The following BTBD7 variants were observed in gnomAD, a reference collection of about 807,000 sequenced individuals.
BTBD7 encodes BTB domain containing 7.
BTBD7 carries 38 observed loss-of-function variants against 99.9 expected under a neutral mutation model. The ratio of observed to expected loss-of-function variants is 0.38; its 90% CI spans 0.29 to 0.50. The LOEUF (loss-of-function observed/expected upper bound fraction) is 0.50. Ranked by LOEUF, BTBD7 falls within the 20% of genes least tolerant of loss-of-function variation. The pLI, the probability that BTBD7 is intolerant of heterozygous loss-of-function variation, is 0.93. For missense variants in BTBD7, 1,170 were observed against 1,394.6 expected, an observed-to-expected ratio of 0.84 and a Z score of 2.57; for synonymous variants, 520 against 511.4, an observed-to-expected ratio of 1.02 and a Z score of -0.23.
At chr14:93,285,983 A>G (rs1451457788) in intron 3 of BTBD7, among the ~76,000 whole-genome samples, 1 of 151,956 alleles carries the variant, frequency 6.6e-6, no homozygotes, top group South Asian at 2.1e-4. Context: ...CAGGATGGGG[A>G]CTCCACAACA....
intron 1 of BTBD7, among the ~76,000 whole-genome samples, chr14:93,314,287 G>A (rs2053174298): frequency 6.6e-6 from 1 of 152,044 alleles, no homozygotes; most frequent in Non-Finnish European, 1.5e-5. Flanking sequence ...ATCATTAAAA[G>A]AGATACTGAA....
At chr14:93,328,611 TAAAAAAAAAA>T (rs57161505) in intron 1 of BTBD7, among the ~76,000 whole-genome samples, 4 of 101,868 alleles carry the variant, frequency 3.9e-5, no homozygotes, top group South Asian at 3.4e-4. Flanking sequence ...TAAAATTCTT[TAAAAAAAAAA>T]AAAAAAAAAA....
At chr14:93,288,700 A>C (rs757725659) in intron 3 of BTBD7, 1 of 1,609,218 alleles carries the variant, frequency 6.2e-7, no homozygotes, top group Admixed American at 1.7e-5. Context: ...TGATGACTGT[A>C]GTCTCCTCTG....
At chr14:93,268,918 C>G (rs2052572293) in intron 3 of BTBD7, among the ~76,000 whole-genome samples, 1 of 151,980 alleles carries the variant, frequency 6.6e-6, no homozygotes, top group Non-Finnish European at 1.5e-5. Flanking sequence ...ACCATCATGC[C>G]CGGCTAATTT....
chr14:93,299,157 C>A lies in BTBD7; in HGVS notation c.-106-3000G>T, dbSNP rs139444172. Among the ~76,000 whole-genome samples, 123 of 152,288 alleles carry A rather than the reference C, an allele frequency of 8.1e-4. 3 individuals carry two copies. In the East Asian group the frequency reaches 0.019, roughly 23 times the overall value. On this transcript the variant is annotated intron_variant, in intron 1 of 10. Coordinates refer to ENST00000334746, the MANE Select transcript of BTBD7 (RefSeq NM_001002860.4). Reference sequence around the variant, plus strand: ...GGATGAGATGTAACCCTTGAGTCTACCCTGTGTTCCCCAGTTCCAGAGCCT... The same window carrying A: ...GGATGAGATGTAACCCTTGAGTCTAACCTGTGTTCCCCAGTTCCAGAGCCT...
intron 7 of BTBD7, among the ~76,000 whole-genome samples, chr14:93,253,070 CATCTA>C (rs1329824065): frequency 1.3e-5 from 2 of 152,170 alleles, no homozygotes; most frequent in African/African-American, 4.8e-5. Context: ...TATGGCTGAA[CATCTA>C]ATAAAAATTA....
chr14:93,313,788 T>G lies in BTBD7; in HGVS notation c.-106-17631A>C, dbSNP rs561129117. Among the ~76,000 whole-genome samples, 5 of 152,154 alleles carry G rather than the reference T, an allele frequency of 3.3e-5. No homozygotes were observed. In the South Asian group the frequency reaches 1.0e-3, roughly 32 times the overall value. ...CTGCTCTGTTGTCTAGGCTAGAGTA[T>G]AGTAGTTCACTCATAGCTCATTGCA... On this transcript the variant is annotated intron_variant, in intron 1 of 10. Coordinates refer to ENST00000334746, the MANE Select transcript of BTBD7 (RefSeq NM_001002860.4).
At chr14:93,263,342 T>C (rs779715371) in intron 4 of BTBD7, among the ~76,000 whole-genome samples, 24 of 152,254 alleles carry the variant, frequency 1.6e-4, no homozygotes, top group Non-Finnish European at 2.8e-4. Flanking sequence ...GAAGAATACA[T>C]GCACTGAGTT....
intron 1 of BTBD7, among the ~76,000 whole-genome samples, chr14:93,331,991 T>C (rs1346319625): frequency 2.6e-5 from 4 of 151,980 alleles, no homozygotes; most frequent in East Asian, 1.9e-4. Context: ...CTGGTGTAGA[T>C]AACCAAGACT....
At chr14:93,257,158 C>T in intron 6 of BTBD7, 37 bp downstream of exon 6, 1 of 1,590,116 alleles carries the variant, frequency 6.3e-7, no homozygotes, top group Admixed American at 1.8e-5. Context: ...TGGCATTTTT[C>T]TTTTCATGAA....
At chr14:93,311,502 A>C (rs2053137467) in intron 1 of BTBD7, among the ~76,000 whole-genome samples, 1 of 152,192 alleles carries the variant, frequency 6.6e-6, no homozygotes, top group South Asian at 2.1e-4. Context: ...TATCTACATA[A>C]ACATGTACAT....
intron 3 of BTBD7, among the ~76,000 whole-genome samples, chr14:93,283,821 G>A (rs1177300075): frequency 6.6e-6 from 1 of 152,120 alleles, no homozygotes; most frequent in Non-Finnish European, 1.5e-5. Flanking sequence ...GAAAGTGCTG[G>A]GATTACAGGC....
intron 3 of BTBD7, among the ~76,000 whole-genome samples, chr14:93,272,780 TC>T (rs1312133519): frequency 1.3e-5 from 2 of 152,298 alleles, no homozygotes; most frequent in African/African-American, 4.8e-5. Context: ...TTCTGCACTG[TC>T]GGTCCTTAGA....
intron 5 of BTBD7, among the ~76,000 whole-genome samples, chr14:93,261,088 G>A (rs1289327181): frequency 1.3e-5 from 2 of 150,504 alleles, no homozygotes; most frequent in African/African-American, 4.9e-5. Context: ...GCGGGATTCT[G>A]CCATGTTGGC....
rs2052230740 is a variant in BTBD7 at position 93,241,602 on chromosome 14, C to A, written c.*671G>T. On this transcript the variant is annotated 3_prime_UTR_variant, in exon 11 of 11. Coordinates refer to ENST00000334746, the MANE Select transcript of BTBD7 (RefSeq NM_001002860.4). ...CTGGGCACAGAAGGCTTTTCTCTTTCCTGTTCTTTCCTGAACCAGCAAACT... is the reference window on the plus strand; with the variant it reads ...CTGGGCACAGAAGGCTTTTCTCTTTACTGTTCTTTCCTGAACCAGCAAACT... The A allele has an allele frequency of 6.6e-6, 1 of 152,390 alleles. No individual in the cohort carries two copies. 9.4% of individuals were successfully genotyped at this position (152,390 alleles called of 1,614,324 possible). A position where few individuals can be genotyped will look rare whatever the true frequency, so the allele number is the denominator to read the frequency against.
rs750057722 is a variant in BTBD7 at position 93,261,684 on chromosome 14, T to TA, written c.1372-8dup. Reference sequence around the variant, plus strand: ...GGATATCTTGTTCACTTGCCTATAATAAAAAATGGTTTATATTTATTTTAG... The same window carrying TA: ...GGATATCTTGTTCACTTGCCTATAATAAAAAAATGGTTTATATTTATTTTAG... On this transcript the variant is annotated splice_polypyrimidine_tract_variant and splice_region_variant and intron_variant, in intron 4 of 10. Transcript: ENST00000334746. The TA allele has an allele frequency of 9.5e-4, 1,514 of 1,586,628 alleles. 3 individuals are homozygous for TA. Among genetic ancestry groups the TA allele is most frequent in the Non-Finnish European group, 1.2e-3 (1,406 of 1,160,730 alleles).
At chr14:93,327,232 A>C (rs2053344083) in intron 1 of BTBD7, among the ~76,000 whole-genome samples, 1 of 152,204 alleles carries the variant, frequency 6.6e-6, no homozygotes, top group African/African-American at 2.4e-5. Context: ...TATGTTTTTT[A>C]CTTTACTGGG....
At chr14:93,324,429 A>AAATAAAAAAAAAT (rs1342089766) in intron 1 of BTBD7, among the ~76,000 whole-genome samples, 1 of 120,040 alleles carries the variant, frequency 8.3e-6, no homozygotes, top group East Asian at 1.9e-4. Flanking sequence ...CTCAAAAAAA[A>AAATAAAAAAAAAT]AAAAAAGAGA....
At chr14:93,325,301 G>A (rs1200478800) in intron 1 of BTBD7, among the ~76,000 whole-genome samples, 1 of 151,740 alleles carries the variant, frequency 6.6e-6, no homozygotes, top group Non-Finnish European at 1.5e-5. Context: ...GTAGAGATGG[G>A]GTTTCGCCAT....
Sources: allele counts gnomAD v4.1 joint callset (sites outside exome capture counted in the v4.1 genomes callset), GRCh38; gene constraint gnomAD v4.1.1; transcripts MANE v1.5; gene names NCBI Gene and HGNC (gene_info 2026-07-23, HGNC 2026-07-21).